MCF2L2: variants seen among roughly 807,000 people sequenced by gnomAD.
The protein encoded by MCF2L2 is MCF.2 cell line derived transforming sequence-like 2.
MCF2L2 carries 102 observed loss-of-function variants against 150.2 expected under a neutral mutation model. That is an observed-to-expected ratio of 0.68 (90% CI 0.58 to 0.80). The LOEUF (loss-of-function observed/expected upper bound fraction) is 0.80, where lower values mean the gene tolerates loss of function less well. Ranked by LOEUF, MCF2L2 falls within the 30% of genes least tolerant of loss-of-function variation. The probability of loss-of-function intolerance (pLI) is 0.00; values close to 1 mark genes in which losing one functional copy is unlikely to be tolerated. For missense variants in MCF2L2, 1,256 were observed against 1,372.8 expected (o/e 0.91, Z 1.34); for synonymous variants, 465 against 491.3 (o/e 0.95, Z 0.71).
intron 1 of MCF2L2, among the ~76,000 whole-genome samples, chr3:183,413,802 T>C (rs7651335): frequency 0.33 from 50,085 of 152,062 alleles, 9,231 homozygotes; most frequent in African/African-American, 0.51. Flanking sequence ...TTCCAATTAC[T>C]CCTTACAAAT....
At chr3:183,216,625 G>T (rs1722954673) in intron 21 of MCF2L2, among the ~76,000 whole-genome samples, 1 of 105,710 alleles carries the variant, frequency 9.5e-6, no homozygotes, top group Non-Finnish European at 1.7e-5. Context: ...TTGAGAGCGA[G>T]AGAGAGTTTC....
intron 3 of MCF2L2, among the ~76,000 whole-genome samples, chr3:183,369,215 G>T (rs999148118): frequency 6.6e-6 from 1 of 152,100 alleles, no homozygotes; most frequent in Non-Finnish European, 1.5e-5. Context: ...TACACGCCTC[G>T]TTATCCCCCT....
chr3:183,244,081 G>A (rs193245664), intron 15 of MCF2L2, among the ~76,000 whole-genome samples: 10 of 151,892 alleles, frequency 6.6e-5, no homozygotes, highest in East Asian at 5.8e-4. Context: ...CTGAGATTGC[G>A]CCACTGCACT....
intron 3 of MCF2L2, among the ~76,000 whole-genome samples, chr3:183,351,232 ATATATTTATTTATTTATT>A (rs1413809599): frequency 1.1e-4 from 9 of 82,816 alleles, no homozygotes; most frequent in African/African-American, 6.2e-4. Flanking sequence ...ATATATATAT[ATATATTTATTTATTTATT>A]TATCAGAACC....
intron 2 of MCF2L2, among the ~76,000 whole-genome samples, chr3:183,385,295 C>T (rs1034709009): frequency 6.6e-6 from 1 of 152,186 alleles, no homozygotes; most frequent in African/African-American, 2.4e-5. Flanking sequence ...CTCTAGATGT[C>T]GCCCCTTGGT....
chr3:183,207,803 G>A lies in MCF2L2; in HGVS notation c.2517C>T (p.Gly839=), dbSNP rs1215987379. The A allele has an allele frequency of 1.9e-6, 3 of 1,613,916 alleles. No homozygotes were observed. Among genetic ancestry groups the A allele is most frequent in the Non-Finnish European group, 2.5e-6 (3 of 1,179,912 alleles). The change falls in exon 23 of 30, where the codon GGC becomes GGT. Residue 839 remains glycine (G), a synonymous_variant. Coordinates refer to ENST00000328913, the MANE Select transcript of MCF2L2 (RefSeq NM_015078.4). ...TECPDDIGKL[G]KLLLHGPFSV... ...TGAAAGGGCCGTGCAGCAACAGCTT[G>A]CCTAGTTTTCCAATATCGTCCTTTT...
intron 15 of MCF2L2, among the ~76,000 whole-genome samples, chr3:183,240,816 T>G (rs1325048622): frequency 6.6e-6 from 1 of 152,240 alleles, no homozygotes; most frequent in East Asian, 1.9e-4. Flanking sequence ...GTTAAGCCAG[T>G]GTTATCGCTA....
intron 3 of MCF2L2, among the ~76,000 whole-genome samples, chr3:183,344,965 G>A (rs751848073): frequency 9.2e-5 from 14 of 151,970 alleles, no homozygotes; most frequent in African/African-American, 2.2e-4. Context: ...AGACTCCCAC[G>A]CAATAATACT....
intron 2 of MCF2L2, among the ~76,000 whole-genome samples, chr3:183,385,520 T>C (rs1249304562): frequency 6.6e-6 from 1 of 152,184 alleles, no homozygotes; most frequent in East Asian, 1.9e-4. Flanking sequence ...GTTGATTTCT[T>C]CATCAATTAT....
intron 15 of MCF2L2, among the ~76,000 whole-genome samples, chr3:183,248,907 C>T (rs1171439556): frequency 1.3e-5 from 2 of 152,088 alleles, no homozygotes; most frequent in Admixed American, 6.5e-5. Flanking sequence ...ACAACCAAAC[C>T]TAAGTGCAAA....
At chr3:183,398,457 G>A (rs1714577296) in intron 1 of MCF2L2, among the ~76,000 whole-genome samples, 2 of 151,778 alleles carry the variant, frequency 1.3e-5, no homozygotes, top group South Asian at 4.1e-4. Context: ...TGAAATTTGG[G>A]TGTTTGTTAC....
rs547681668 is a variant in MCF2L2 at position 183,261,436 on chromosome 3, T to C, written c.1862+15436A>G. Among the ~76,000 whole-genome samples, 19 of 152,266 alleles carry C rather than the reference T, an allele frequency of 1.2e-4. No homozygotes were observed. The East Asian group carries it at 3.7e-3, about 29-fold the overall frequency. ...ATGTGTGGACAGGAACTAAAAACTC[T>C]CCCACGTGGGACTTTATTAAGTAAT... On this transcript the variant is annotated intron_variant, in intron 15 of 29. Transcript: ENST00000328913.
At chr3:183,239,796 C>T (rs2108681112) in intron 15 of MCF2L2, among the ~76,000 whole-genome samples, 1 of 152,316 alleles carries the variant, frequency 6.6e-6, no homozygotes, top group East Asian at 1.9e-4. Flanking sequence ...CTTCCTGTTT[C>T]ATGCTGTTGA....
At chr3:183,369,352 C>CCACT (rs377070057) in intron 3 of MCF2L2, among the ~76,000 whole-genome samples, 177 of 152,300 alleles carry the variant, frequency 1.2e-3, no homozygotes, top group African/African-American at 4.1e-3. Flanking sequence ...TGATAAGAGG[C>CCACT]CACTGATCAC....
rs556093353 is a variant in MCF2L2 at position 183,300,296 on chromosome 3, G to C, written c.1114-100C>G. 2.2e-5 allele frequency: 24 copies of C among 1,077,354 alleles called. No individual in the cohort carries two copies. The East Asian group carries it at 3.3e-4, about 15-fold the overall frequency. The allele number at this position is 1,077,354 out of a possible 1,614,324, so 66.7% of individuals were successfully genotyped here. A position where few individuals can be genotyped will look rare whatever the true frequency, so the allele number is the denominator to read the frequency against. ...GCTCCAAGCCTGGAGGGAGGCTGTG[G>C]AGATGCTAACCCAGGATGAAGGCTG... On this transcript the variant is annotated intron_variant, in intron 10 of 29. Coordinates refer to ENST00000328913, the MANE Select transcript of MCF2L2 (RefSeq NM_015078.4).
intron 6 of MCF2L2, among the ~76,000 whole-genome samples, chr3:183,318,880 A>G (rs754278744): frequency 6.6e-6 from 1 of 152,244 alleles, no homozygotes; most frequent in Non-Finnish European, 1.5e-5. Flanking sequence ...GGCCTTCATC[A>G]AATCACAATC....
At chr3:183,239,166 G>A (rs1309902599) in intron 15 of MCF2L2, among the ~76,000 whole-genome samples, 6 of 152,116 alleles carry the variant, frequency 3.9e-5, no homozygotes. Flanking sequence ...CAGAGCTAGA[G>A]GACTGCACTT....
intron 1 of MCF2L2, among the ~76,000 whole-genome samples, chr3:183,400,073 CTTACACGTTCCATA>C (rs1714659471): frequency 6.6e-6 from 1 of 152,164 alleles, no homozygotes. Context: ...CAAGCTCATA[CTTACACGTTCCATA>C]TTATAACCTA....
intron 3 of MCF2L2, among the ~76,000 whole-genome samples, chr3:183,353,904 C>T (rs1436352239): frequency 6.6e-6 from 1 of 152,136 alleles, no homozygotes; most frequent in Non-Finnish European, 1.5e-5. Context: ...ATTTCAGATT[C>T]CATCCTCTCA....
Sources: gnomAD v4.1 joint callset for allele counts (sites outside exome capture counted in the v4.1 genomes callset) on GRCh38, gnomAD v4.1.1 for gene constraint, MANE v1.5 for transcripts, NCBI Gene and HGNC (gene_info 2026-07-23, HGNC 2026-07-21) for gene names.